Variants in WWC1 observed in about 807,000 individuals in gnomAD.
The protein encoded by WWC1 is protein KIBRA.
A neutral mutation model predicts 138.4 loss-of-function variants in WWC1; 55 were observed. The ratio of observed to expected loss-of-function variants is 0.40; its 90% CI spans 0.32 to 0.50. The LOEUF (loss-of-function observed/expected upper bound fraction) is 0.50, where lower values mean the gene tolerates loss of function less well. WWC1 is among the 20% of genes least tolerant of loss of function. WWC1 has a pLI of 0.72. For synonymous variants in WWC1, 524 were observed against 564.9 expected (o/e 0.93, Z 1.03); for missense variants, 1,226 against 1,420.4 (o/e 0.86, Z 2.20).
chr5:168,466,101 G>C (rs1757275715), intron 21 of WWC1, among the ~76,000 whole-genome samples: 1 of 152,130 alleles, frequency 6.6e-6, no homozygotes, highest in Non-Finnish European at 1.5e-5. Flanking sequence ...TCTATCTATG[G>C]CTAACAAATG....
At chr5:168,422,822 C>A (rs1038600325) in intron 10 of WWC1, among the ~76,000 whole-genome samples, 6 of 152,058 alleles carry the variant, frequency 3.9e-5, no homozygotes, top group Non-Finnish European at 8.8e-5. Flanking sequence ...TGTAAAGTTT[C>A]CTTTTAATAT....
At chr5:168,460,058 C>G (rs774389530) in intron 19 of WWC1, among the ~76,000 whole-genome samples, 2 of 152,148 alleles carry the variant, frequency 1.3e-5, no homozygotes, top group Admixed American at 1.3e-4. Flanking sequence ...CGGATGCCCA[C>G]GGGGAGAGTT....
intron 1 of WWC1, among the ~76,000 whole-genome samples, chr5:168,353,313 C>T (rs949449257): frequency 6.6e-6 from 1 of 152,252 alleles, no homozygotes; most frequent in Non-Finnish European, 1.5e-5. Context: ...CCTGGCTCTT[C>T]CTTCCAGACT....
chr5:168,384,824 T>C, intron 2 of WWC1, among the ~76,000 whole-genome samples: 1 of 149,888 alleles, frequency 6.7e-6, no homozygotes. Context: ...TTCAAGCAAT[T>C]CCCCTGCCTT....
intron 5 of WWC1, among the ~76,000 whole-genome samples, chr5:168,399,888 G>A (rs1309725506): frequency 6.6e-6 from 1 of 152,134 alleles, no homozygotes; most frequent in African/African-American, 2.4e-5. Flanking sequence ...GCATTTCTGT[G>A]CACACGCCTC....
intron 1 of WWC1, among the ~76,000 whole-genome samples, chr5:168,306,743 T>C (rs535934243): frequency 1.3e-5 from 2 of 152,152 alleles, no homozygotes; most frequent in Non-Finnish European, 1.5e-5. Context: ...ATTATAGGCA[T>C]GCACCACCAC....
intron 1 of WWC1, among the ~76,000 whole-genome samples, chr5:168,302,408 G>A (rs1770171922): frequency 6.6e-6 from 1 of 152,194 alleles, no homozygotes. Context: ...TGGAGACTGG[G>A]AAATAGTTAA....
chr5:168,314,930 T>A (rs1332164184), intron 1 of WWC1, among the ~76,000 whole-genome samples: 2 of 152,116 alleles, frequency 1.3e-5, no homozygotes, highest in South Asian at 2.1e-4. Flanking sequence ...CAGCATTTTA[T>A]CGGAAGCACG....
At chr5:168,372,544 G>T (rs545729668) in intron 2 of WWC1, among the ~76,000 whole-genome samples, 1 of 152,206 alleles carries the variant, frequency 6.6e-6, no homozygotes, top group Non-Finnish European at 1.5e-5. Flanking sequence ...GCCGTGTCCT[G>T]TGCTGAGGAC....
At chr5:168,306,136 G>T (rs1199450471) in intron 1 of WWC1, among the ~76,000 whole-genome samples, 2 of 152,154 alleles carry the variant, frequency 1.3e-5, no homozygotes, top group Non-Finnish European at 2.9e-5. Flanking sequence ...AGTGGCTCAC[G>T]CCTGTAATCC....
At chr5:168,346,104 G>A (rs995220718) in intron 1 of WWC1, among the ~76,000 whole-genome samples, 118 of 152,004 alleles carry the variant, frequency 7.8e-4, no homozygotes, top group African/African-American at 2.6e-3. Context: ...TGTTTGATTG[G>A]GATGCCCAGC....
At chr5:168,351,763 C>A (rs1298029784) in intron 1 of WWC1, among the ~76,000 whole-genome samples, 1 of 152,188 alleles carries the variant, frequency 6.6e-6, no homozygotes, top group Non-Finnish European at 1.5e-5. Flanking sequence ...GCAACCAGTC[C>A]TGTCGCAGCC....
Position 168,423,520 on chromosome 5 carries a change from C to G in WWC1, c.1275-13C>G, listed in dbSNP as rs768404545. On this transcript the variant is annotated splice_polypyrimidine_tract_variant and intron_variant, in intron 10 of 22. Coordinates refer to ENST00000265293, the MANE Select transcript of WWC1 (RefSeq NM_015238.3). ...GTGTGCATCTCACTGTCCTTCCCCT[C>G]CCTGTGTCCCAGTCTCTCAAGCAGC... 7.5e-6 allele frequency: 12 copies of G among 1,601,316 alleles called. No individual in the cohort carries two copies. The highest frequency in any genetic ancestry group is 1.0e-5 in the Non-Finnish European group (12 of 1,174,402).
In WWC1 at chr5:168,302,021, G is replaced by A. The variant is rs74393149; in HGVS notation, c.119+9750G>A. Among the ~76,000 whole-genome samples the A allele has an allele frequency of 4.6e-5, 7 of 152,302 alleles. No homozygotes were observed. The East Asian group carries it at 1.4e-3, about 29-fold the overall frequency. ...GGGCAAGCCCTTCTTTGGAATTTCT[G>A]GAGTGAAGCGACTCTTGCCAGTGAG... On this transcript the variant is annotated intron_variant, in intron 1 of 22. Coordinates refer to ENST00000265293, the MANE Select transcript of WWC1 (RefSeq NM_015238.3).
chr5:168,349,051 C>A (rs1774713626), intron 1 of WWC1, among the ~76,000 whole-genome samples: 1 of 152,112 alleles, frequency 6.6e-6, no homozygotes, highest in South Asian at 2.1e-4. Context: ...GGTTAATACG[C>A]CCGAGATTCA....
chr5:168,342,800 C>T (rs1001887767), intron 1 of WWC1, among the ~76,000 whole-genome samples: 2 of 152,116 alleles, frequency 1.3e-5, no homozygotes, highest in Non-Finnish European at 2.9e-5. Context: ...AGCAAAGAAC[C>T]GGAGGATGCA....
rs759996736 is a variant in WWC1 at position 168,454,084 on chromosome 5, G to A, written c.2642G>A (p.Gly881Glu). 1.2e-6 allele frequency: 2 copies of A among 1,613,154 alleles called. No individual in the cohort carries two copies. ...GAGAAAGCCTCACCTGATATGGATG[G>A]GTACCCAGCATTAAAGGTAGGAAGG... ...FTEKASPDMD[G>E]YPALKVDKET... Residue 881 changes from glycine to glutamate, a missense_variant, in exon 18 of 23, where the codon GGG becomes GAG. Physicochemically the swap from Gly to Glu is moderately conservative, Grantham distance 98. Coordinates refer to ENST00000265293, the MANE Select transcript of WWC1 (RefSeq NM_015238.3).
intron 21 of WWC1, among the ~76,000 whole-genome samples, chr5:168,467,028 G>A (rs552744416): frequency 1.6e-3 from 248 of 152,322 alleles, no homozygotes; most frequent in African/African-American, 5.6e-3. Context: ...TTGGGAGGCC[G>A]AGGCGGGCAG....
intron 1 of WWC1, among the ~76,000 whole-genome samples, chr5:168,294,498 C>A (rs754462719): frequency 6.6e-6 from 1 of 152,190 alleles, no homozygotes; most frequent in African/African-American, 2.4e-5. Context: ...CTCACCTGCC[C>A]AGCCTTTGTT....
Sources: gnomAD v4.1 joint callset for allele counts (sites outside exome capture counted in the v4.1 genomes callset) on GRCh38, gnomAD v4.1.1 for gene constraint, MANE v1.5 for transcripts, NCBI Gene and HGNC (gene_info 2026-07-23, HGNC 2026-07-21) for gene names.